ANKDD1A: variants seen among roughly 807,000 people sequenced by gnomAD.
ANKDD1A encodes the protein ankyrin repeat and death domain containing 1A.
ANKDD1A carries 59 observed loss-of-function variants against 63.5 expected under a neutral mutation model. The observed-to-expected ratio is 0.93, with a 90% CI of 0.75 to 1.15. The LOEUF (loss-of-function observed/expected upper bound fraction) is 1.15. Ranked by LOEUF, ANKDD1A falls within the 50% of genes most tolerant of loss-of-function variation. The probability of loss-of-function intolerance (pLI) is 0.00; values close to 1 mark genes in which losing one functional copy is unlikely to be tolerated. For synonymous variants in ANKDD1A, 266 were observed against 263.9 expected (o/e 1.01, Z -0.08); for missense variants, 632 against 656.4 (o/e 0.96, Z 0.41).
At chr15:64,940,130 T>C (rs62015280) in intron 9 of ANKDD1A, among the ~76,000 whole-genome samples, 2,343 of 115,104 alleles carry the variant, frequency 0.02, 56 homozygotes, top group African/African-American at 0.062. Context: ...TAAAGGGCTC[T>C]CAAAACTCAA....
chr15:64,949,330 T>C (rs1464665733), intron 13 of ANKDD1A, among the ~76,000 whole-genome samples: 1 of 152,184 alleles, frequency 6.6e-6, no homozygotes, highest in African/African-American at 2.4e-5. Context: ...GGGGGTGACA[T>C]GGGCCCTAGG....
At chr15:64,943,334 C>A in intron 10 of ANKDD1A, 150 bp from the exon 11 acceptor site, 1 of 681,584 alleles carries the variant, frequency 1.5e-6, no homozygotes, top group East Asian at 2.5e-5. Context: ...ATAAGATGAT[C>A]TCATGTATGT....
chr15:64,912,549 A>C (rs1256175483), intron 1 of ANKDD1A, among the ~76,000 whole-genome samples: 4 of 152,174 alleles, frequency 2.6e-5, no homozygotes, highest in Non-Finnish European at 5.9e-5. Context: ...TCCCTCAAGG[A>C]GTGCGCCCAG....
chr15:64,952,743 T>C (rs1429653404), intron 14 of ANKDD1A, among the ~76,000 whole-genome samples: 1 of 96,232 alleles, frequency 1.0e-5, no homozygotes, highest in African/African-American at 3.5e-5. Flanking sequence ...TCTTCCTCCT[T>C]CTTTCCTCTT....
chr15:64,926,894 C>G lies in ANKDD1A; in HGVS notation c.472-7C>G. 1 of 1,614,062 alleles carries G rather than the reference C, an allele frequency of 6.2e-7. No individual in the cohort carries two copies. The highest frequency in any genetic ancestry group is 1.7e-5 in the Admixed American group (1 of 60,016). On this transcript the variant is annotated splice_region_variant and splice_polypyrimidine_tract_variant and intron_variant, in intron 5 of 14. Transcript: ENST00000319580. ...GGAAGGCTCACACCGCTTCTCCTCC[C>G]GGCCAGCTGGGGAGGACGGCGTTTC...
intron 4 of ANKDD1A, among the ~76,000 whole-genome samples, chr15:64,923,279 G>C (rs1184887199): frequency 1.3e-5 from 2 of 152,102 alleles, no homozygotes; most frequent in East Asian, 3.9e-4. Flanking sequence ...AGCTGGAAAA[G>C]GCCAGGAAAT....
At chr15:64,919,979 G>A (rs2084996819) in intron 3 of ANKDD1A, 1 of 152,202 alleles carries the variant, frequency 6.6e-6, no homozygotes, top group Non-Finnish European at 1.5e-5. Flanking sequence ...GCTGATCAGT[G>A]AGTTCCCTCT....
rs2085091958 is a variant in ANKDD1A, at chr15:64,931,583, C to CA, written c.767dup (p.Lys257GlufsTer32). On this transcript the variant is annotated frameshift_variant and splice_region_variant, in exon 8 of 15. Transcript: ENST00000319580. LOFTEE classifies it high-confidence loss of function. ...TGGGAGCACCGTGAATGCCCTCACC[C>CA]AGGTAGCCAGGCCCTCCCAAGACTG... 1 of 1,613,842 alleles carries CA rather than the reference C, an allele frequency of 6.2e-7. No homozygotes were observed. The highest frequency in any genetic ancestry group is 1.7e-5 in the Admixed American group (1 of 60,030).
At chr15:64,925,740 C>G (rs965791231) in intron 4 of ANKDD1A, among the ~76,000 whole-genome samples, 5 of 152,152 alleles carry the variant, frequency 3.3e-5, no homozygotes, top group African/African-American at 1.2e-4. Flanking sequence ...TCTCAACCAC[C>G]CACTGAAGTG....
chr15:64,949,762 GGTGGCATAGACAGGCGCTCTGGTCAA>G, intron 13 of ANKDD1A, 53 bp from the exon 14 acceptor site: 1 of 1,564,658 alleles, frequency 6.4e-7, no homozygotes, highest in South Asian at 1.1e-5. Flanking sequence ...GGCGGTGCAG[GGTGGCATAGACAGGCGCTCTGGTCAA>G]GTGGCCCCAT....
In ANKDD1A at chr15:64,936,236, T is replaced by A. The variant is rs180809152; in HGVS notation, c.867+2002T>A. Among the ~76,000 whole-genome samples, 878 of 152,008 alleles carry A rather than the reference T, an allele frequency of 5.8e-3. 2 individuals carry two copies. The highest frequency in any genetic ancestry group is 9.1e-3 in the Non-Finnish European group (618 of 67,956). Reference sequence around the variant, plus strand: ...TCCAAAGCCCTAGAAAAGCAAGGACTTTTTTTTAATGCCCTCCCATTTTCC... The same window carrying A: ...TCCAAAGCCCTAGAAAAGCAAGGACATTTTTTTAATGCCCTCCCATTTTCC... On this transcript the variant is annotated intron_variant, in intron 9 of 14. Coordinates refer to ENST00000319580, the MANE Select transcript of ANKDD1A (RefSeq NM_182703.6).
At position 64,917,562 on chromosome 15, in the gene ANKDD1A, A is replaced by G. The variant is rs757058615; in HGVS notation, c.267+48A>G. The stretch of plus-strand genomic sequence containing the variant: ...GTCTCAGGGTGGTGGGGGGCACTGG[A>G]GATCTCTCTGGGTCTATGAGCCAGT... On this transcript the variant is annotated intron_variant, in intron 3 of 14. Transcript: ENST00000319580. 5.2e-6 allele frequency: 8 copies of G among 1,536,420 alleles called. No individual in the cohort carries two copies. The South Asian group carries it at 9.7e-5, about 19-fold the overall frequency.
In ANKDD1A at chr15:64,947,486, TG is replaced by T; in HGVS notation, c.1245del (p.Trp416GlyfsTer99). ...RQETQQLRSV[L>X]WRLASRYLQP... is the part of the protein sequence containing the mutation. ...GAAACACAGCAGCTCCGTTCTGTGC[TG>T]TGGCGGCTGGCCTCCAGGTATCTGC... On this transcript the variant is annotated frameshift_variant, in exon 13 of 15. Coordinates refer to ENST00000319580, the MANE Select transcript of ANKDD1A (RefSeq NM_182703.6). LOFTEE classifies it high-confidence loss of function. 6.2e-7 allele frequency: 1 copy of T among 1,613,880 alleles called. No individual in the cohort carries two copies. The highest frequency in any genetic ancestry group is 8.5e-7 in the Non-Finnish European group (1 of 1,179,918).
chr15:64,950,103 C>G, intron 14 of ANKDD1A, 131 bp downstream of exon 14: 2 of 1,488,890 alleles, frequency 1.3e-6, no homozygotes, highest in Non-Finnish European at 1.8e-6. Context: ...ATTCCTACCC[C>G]TAGCCCTGCC....
In ANKDD1A at chr15:64,942,547, C is replaced by T. The variant is rs748012847; in HGVS notation, c.948C>T (p.Asp316=). The change falls in exon 10 of 15, where the codon GAC becomes GAT. Residue 316 remains aspartate (D), a synonymous_variant. Transcript: ENST00000319580. Reference sequence around the variant, plus strand: ...GGCTCCTCATCAACTCCGACAGTGACGTGAATGCCGTGGACAATGTAAGTG... The same window carrying T: ...GGCTCCTCATCAACTCCGACAGTGATGTGAATGCCGTGGACAATGTAAGTG... ...LVRLLINSDS[D]VNAVDNRQQT... The T allele has an allele frequency of 7.4e-6, 12 of 1,613,554 alleles. No individual in the cohort carries two copies. Among genetic ancestry groups the T allele is most frequent in the East Asian group, 2.2e-5 (1 of 44,870 alleles).
In ANKDD1A at chr15:64,949,992, G is replaced by C. The variant is rs773307553; in HGVS notation, c.1483+20G>C. On this transcript the variant is annotated intron_variant, in intron 14 of 14. Transcript: ENST00000319580. ...TGGCTGGTAAGAGCGTACTCTGCTG[G>C]GCTGCTTCTCAGGAGCTGGGTGGCC... The C allele has an allele frequency of 1.9e-6, 3 of 1,605,066 alleles. No homozygotes were observed. Among genetic ancestry groups the C allele is most frequent in the Non-Finnish European group, 2.5e-6 (3 of 1,177,644 alleles).
At chr15:64,935,045 G>T (rs1750524976) in intron 9 of ANKDD1A, among the ~76,000 whole-genome samples, 1 of 150,352 alleles carries the variant, frequency 6.7e-6, no homozygotes, top group African/African-American at 2.5e-5. Context: ...GGTAACCCAG[G>T]GAGATCCATC....
chr15:64,926,228 C>T (rs2085045684), intron 5 of ANKDD1A, 58 bp downstream of exon 5: 4 of 1,495,590 alleles, frequency 2.7e-6, no homozygotes, highest in African/African-American at 2.8e-5. Context: ...CCTGGGGCCA[C>T]TCTTGCACAC....
At chr15:64,952,124 CTTTCT>C (rs2085299268) in intron 14 of ANKDD1A, among the ~76,000 whole-genome samples, 1 of 4,170 alleles carries the variant, frequency 2.4e-4, no homozygotes, top group African/African-American at 3.1e-4. Context: ...TCTTTCTTCT[CTTTCT>C]TCTTCTTCCT....
Sources: gnomAD v4.1 joint callset for allele counts (sites outside exome capture counted in the v4.1 genomes callset) on GRCh38, gnomAD v4.1.1 for gene constraint, MANE v1.5 for transcripts, NCBI Gene and HGNC (gene_info 2026-07-23, HGNC 2026-07-21) for gene names.